DGKI: variants seen among roughly 807,000 people sequenced by gnomAD.
DGKI encodes the protein DAG kinase iota.
In DGKI, 55 loss-of-function variants were observed where a neutral mutation model predicts 147.5. The ratio of observed to expected loss-of-function variants is 0.37; its 90% confidence interval spans 0.30 to 0.47. The LOEUF (loss-of-function observed/expected upper bound fraction) is 0.47, where lower values mean the gene tolerates loss of function less well. Among genes scored for constraint, DGKI ranks in the 20% least tolerant of loss-of-function variants. DGKI has a pLI of 1.00. For missense variants in DGKI, 1,007 were observed against 1,323.8 expected (o/e 0.76, Z 3.71); for synonymous variants, 469 against 477.1 (o/e 0.98, Z 0.22).
chr7:137,695,129 C>T (rs1181978731), intron 1 of DGKI, among the ~76,000 whole-genome samples: 3 of 152,200 alleles, frequency 2.0e-5, no homozygotes, highest in African/African-American at 7.2e-5. Flanking sequence ...GATTCTCCAA[C>T]ATTGGTACTC....
At chr7:137,613,746 T>C (rs1252140964) in intron 8 of DGKI, among the ~76,000 whole-genome samples, 1 of 152,138 alleles carries the variant, frequency 6.6e-6, no homozygotes, top group Non-Finnish European at 1.5e-5. Context: ...ATCCACAGCA[T>C]GGGATACATA....
rs1814790723 is a variant in DGKI, at chr7:137,469,357, G to A, written c.2443+193C>T. On this transcript the variant is annotated intron_variant, in intron 24 of 32. Transcript: ENST00000614521. Reference sequence around the variant, plus strand: ...CCAGAGTTAACCAAGCTGTGTTGAGGGAAATGACTTCAGGAAAGGACAGTG... The same window carrying A: ...CCAGAGTTAACCAAGCTGTGTTGAGAGAAATGACTTCAGGAAAGGACAGTG... Among the ~76,000 whole-genome samples, 3 of 152,142 alleles carry A rather than the reference G, an allele frequency of 2.0e-5. No homozygotes were observed. The South Asian group carries it at 6.2e-4, about 32-fold the overall frequency.
At chr7:137,760,314 C>T (rs565973588) in intron 1 of DGKI, among the ~76,000 whole-genome samples, 3 of 152,170 alleles carry the variant, frequency 2.0e-5, no homozygotes, top group African/African-American at 4.8e-5. Flanking sequence ...AAATGCTGAG[C>T]GCCTTTGCCA....
intron 8 of DGKI, 71 bp downstream of exon 8, chr7:137,619,753 G>A: frequency 1.7e-6 from 2 of 1,197,194 alleles, no homozygotes; most frequent in Non-Finnish European, 2.5e-6. Flanking sequence ...ACTAGTCTGG[G>A]GAGAAAAGCA....
chr7:137,643,669 G>T (rs1444338790), intron 6 of DGKI, among the ~76,000 whole-genome samples: 1 of 152,192 alleles, frequency 6.6e-6, no homozygotes, highest in Non-Finnish European at 1.5e-5. Context: ...ATGATGGCTG[G>T]CTGAGAACAC....
At chr7:137,828,762 T>C (rs1765784901) in intron 1 of DGKI, among the ~76,000 whole-genome samples, 1 of 152,198 alleles carries the variant, frequency 6.6e-6, no homozygotes, top group African/African-American at 2.4e-5. Flanking sequence ...CTAAGGTCTC[T>C]CCCCTAGGAA....
In DGKI at chr7:137,656,446, A is replaced by C; in HGVS notation, c.681+20T>G. On this transcript the variant is annotated intron_variant, in intron 4 of 32. Coordinates refer to ENST00000614521, the MANE Select transcript of DGKI (RefSeq NM_001321708.2). ...AATACTTGCAATGTAACAAAACTGC[A>C]GCAGGGGGCGCGCTCTTACCTTTTC... 1 of 1,613,614 alleles carries C rather than the reference A, an allele frequency of 6.2e-7. No homozygotes were observed. The highest frequency in any genetic ancestry group is 8.5e-7 in the Non-Finnish European group (1 of 1,179,596).
intron 21 of DGKI, among the ~76,000 whole-genome samples, chr7:137,508,547 A>G (rs1424445119): frequency 6.6e-6 from 1 of 152,062 alleles, no homozygotes; most frequent in Non-Finnish European, 1.5e-5. Context: ...TCTTGATTAT[A>G]TGGCTCTGAA....
intron 21 of DGKI, among the ~76,000 whole-genome samples, chr7:137,500,401 A>G (rs1816128538): frequency 1.3e-5 from 2 of 152,174 alleles, no homozygotes; most frequent in South Asian, 4.1e-4. Context: ...TGTCTTCTAT[A>G]CTTGAAGTTA....
Position 137,385,300 on chromosome 7 carries a change from T to C in DGKI, c.*5920A>G, listed in dbSNP as rs564790902. The C allele has an allele frequency of 6.6e-5, 10 of 152,200 alleles. No individual in the cohort carries two copies. The highest frequency in any genetic ancestry group is 1.3e-4 in the Non-Finnish European group (9 of 67,966). The allele number at this position is 152,200 out of a possible 1,614,324, so 9.4% of individuals were successfully genotyped here. On this transcript the variant is annotated 3_prime_UTR_variant, in exon 33 of 33. Coordinates refer to ENST00000614521, the MANE Select transcript of DGKI (RefSeq NM_001321708.2). ...GCCATTCCCCTAGATATTTTTAAAA[T>C]TCTCAGTTATAAAGCAAAGTTTAAC...
intron 8 of DGKI, among the ~76,000 whole-genome samples, chr7:137,612,577 A>C (rs1397965052): frequency 6.6e-6 from 1 of 152,064 alleles, no homozygotes; most frequent in Non-Finnish European, 1.5e-5. Context: ...ATATGTTTTG[A>C]CCATGATGAA....
chr7:137,544,210 C>T (rs1563077296), intron 20 of DGKI, among the ~76,000 whole-genome samples: 2 of 152,114 alleles, frequency 1.3e-5, no homozygotes, highest in Admixed American at 6.5e-5. Flanking sequence ...CAACTTAACC[C>T]ATAATAGAAA....
Position 137,498,805 on chromosome 7 carries a change from G to A in DGKI, c.2249-11116C>T, listed in dbSNP as rs377392883. On this transcript the variant is annotated intron_variant, in intron 21 of 32. Coordinates refer to ENST00000614521, the MANE Select transcript of DGKI (RefSeq NM_001321708.2). ...ATATATTGACACTATATTACCCCCT[G>A]ACATGCTCTGCCTGAACCTATTCCT... is the stretch of plus-strand genomic sequence containing the variant. Among the ~76,000 whole-genome samples the A allele has an allele frequency of 2.4e-4, 36 of 152,278 alleles. No homozygotes were observed. The East Asian group carries it at 5.4e-3, about 23-fold the overall frequency.
At chr7:137,492,699 G>C (rs923653511) in intron 21 of DGKI, among the ~76,000 whole-genome samples, 4 of 152,080 alleles carry the variant, frequency 2.6e-5, no homozygotes, top group Admixed American at 2.6e-4. Context: ...GCATGACCAG[G>C]GATACCCATC....
intron 1 of DGKI, among the ~76,000 whole-genome samples, chr7:137,701,241 T>C (rs931855878): frequency 6.6e-6 from 1 of 152,140 alleles, no homozygotes; most frequent in Non-Finnish European, 1.5e-5. Context: ...ACATCATACA[T>C]AATGGTACAG....
At chr7:137,631,078 G>A (rs550510483) in intron 6 of DGKI, among the ~76,000 whole-genome samples, 1 of 152,212 alleles carries the variant, frequency 6.6e-6, no homozygotes, top group South Asian at 2.1e-4. Flanking sequence ...AATCAGTTAA[G>A]CCACCTAACA....
intron 20 of DGKI, among the ~76,000 whole-genome samples, chr7:137,530,304 C>CCAG (rs1817294648): frequency 6.6e-6 from 1 of 152,186 alleles, no homozygotes; most frequent in Non-Finnish European, 1.5e-5. Flanking sequence ...GGTTTGCCAA[C>CCAG]TAAGTTACCA....
At chr7:137,552,589 G>A (rs762105627) in intron 19 of DGKI, 21 bp from the exon 20 acceptor site, 61 of 1,612,380 alleles carry the variant, frequency 3.8e-5, no homozygotes, top group Non-Finnish European at 4.9e-5. Context: ...AAGAGTCAAA[G>A]GGGAGCAAGG....
intron 5 of DGKI, among the ~76,000 whole-genome samples, chr7:137,653,724 C>T (rs961930273): frequency 5.3e-5 from 8 of 152,182 alleles, no homozygotes; most frequent in African/African-American, 1.9e-4. Context: ...AGTAGACCAG[C>T]TGGGGAGGTT....
Sources: allele counts gnomAD v4.1 joint callset (sites outside exome capture counted in the v4.1 genomes callset), GRCh38; gene constraint gnomAD v4.1.1; transcripts MANE v1.5; gene names NCBI Gene and HGNC (gene_info 2026-07-23, HGNC 2026-07-21).